CHCHD3: variants seen among roughly 807,000 people sequenced by gnomAD.
The protein encoded by CHCHD3 is MICOS complex subunit MIC19.
In CHCHD3, 20 loss-of-function variants were observed where a neutral mutation model predicts 38.2. The ratio of observed to expected loss-of-function variants is 0.52; its 90% CI spans 0.37 to 0.76. The LOEUF is 0.76. CHCHD3 is among the 30% of genes least tolerant of loss of function. The pLI, the probability that CHCHD3 is intolerant of heterozygous loss-of-function variation, is 0.00. For synonymous variants in CHCHD3, 82 were observed against 100.0 expected, an observed-to-expected ratio of 0.82 and a Z score of 1.07; for missense variants, 245 against 279.2, an observed-to-expected ratio of 0.88 and a Z score of 0.87.
intron 3 of CHCHD3, among the ~76,000 whole-genome samples, chr7:132,999,504 A>T (rs1051428620): frequency 6.6e-6 from 1 of 152,246 alleles, no homozygotes; most frequent in African/African-American, 2.4e-5. Context: ...TTATAATAAA[A>T]GGAAATGGCA....
chr7:132,803,132 A>T (rs1806831453), intron 6 of CHCHD3, among the ~76,000 whole-genome samples: 1 of 152,210 alleles, frequency 6.6e-6, no homozygotes, highest in Non-Finnish European at 1.5e-5. Context: ...GTGGGAACAG[A>T]ATAAAATCAC....
At chr7:132,988,692 T>C (rs1173707541) in intron 3 of CHCHD3, among the ~76,000 whole-genome samples, 1 of 151,858 alleles carries the variant, frequency 6.6e-6, no homozygotes, top group African/African-American at 2.4e-5. Flanking sequence ...GGTGGGAGGA[T>C]CACTTGAAGC....
At chr7:132,974,736 C>T (rs1356478489) in intron 4 of CHCHD3, among the ~76,000 whole-genome samples, 5 of 151,944 alleles carry the variant, frequency 3.3e-5, no homozygotes, top group African/African-American at 9.7e-5. Context: ...TAGCTGGGCA[C>T]GATGGCAGGT....
chr7:132,893,851 C>T (rs1809429447), intron 4 of CHCHD3, among the ~76,000 whole-genome samples: 1 of 152,152 alleles, frequency 6.6e-6, no homozygotes, highest in African/African-American at 2.4e-5. Context: ...TTGTAAGGTT[C>T]CTGAGGCCTC....
Position 132,994,225 on chromosome 7 carries a change from A to C in CHCHD3, c.252-18939T>G, listed in dbSNP as rs182527167. Among the ~76,000 whole-genome samples, 244 of 152,342 alleles carry C rather than the reference A, an allele frequency of 1.6e-3. 1 individual carries two copies. Among genetic ancestry groups the C allele is most frequent in the Non-Finnish European group, 2.9e-3 (194 of 68,044 alleles). ...TATATATGTAGGATGAAAACTGTGAACACCAAAACAATCAAATAAGAGAAA... is the reference window on the plus strand; with the variant it reads ...TATATATGTAGGATGAAAACTGTGACCACCAAAACAATCAAATAAGAGAAA... On this transcript the variant is annotated intron_variant, in intron 3 of 7. Coordinates refer to ENST00000262570, the MANE Select transcript of CHCHD3 (RefSeq NM_017812.4).
chr7:132,896,032 A>G (rs1239058916), intron 4 of CHCHD3, among the ~76,000 whole-genome samples: 3 of 152,242 alleles, frequency 2.0e-5, no homozygotes, highest in Non-Finnish European at 2.9e-5. Context: ...TTTGTTCAAT[A>G]AATGTCTGTA....
intron 4 of CHCHD3, among the ~76,000 whole-genome samples, chr7:132,892,961 G>A (rs957628680): frequency 6.6e-6 from 1 of 152,244 alleles, no homozygotes; most frequent in African/African-American, 2.4e-5. Flanking sequence ...CCTCTGCTAG[G>A]GCAGTGCAGA....
intron 2 of CHCHD3, among the ~76,000 whole-genome samples, chr7:133,029,791 G>A (rs1813450122): frequency 6.6e-6 from 1 of 152,138 alleles, no homozygotes; most frequent in Non-Finnish European, 1.5e-5. Context: ...GTGGGGTGAG[G>A]TGAGAAAGAG....
chr7:132,825,934 G>A (rs1385935020), intron 6 of CHCHD3, among the ~76,000 whole-genome samples: 1 of 152,192 alleles, frequency 6.6e-6, no homozygotes, highest in African/African-American at 2.4e-5. Context: ...CATAAAGCAG[G>A]CCAAGCAAGC....
intron 3 of CHCHD3, among the ~76,000 whole-genome samples, chr7:133,008,594 T>C (rs186950099): frequency 8.3e-4 from 126 of 152,262 alleles, no homozygotes; most frequent in African/African-American, 2.9e-3. Context: ...CATACATATA[T>C]AACATTAGCC....
chr7:133,073,979 A>G (rs1460393840), intron 1 of CHCHD3, among the ~76,000 whole-genome samples: 1 of 152,128 alleles, frequency 6.6e-6, no homozygotes. Context: ...TTCAAGACGC[A>G]GTCTAAACAT....
At chr7:132,913,997 G>C (rs1255225598) in intron 4 of CHCHD3, among the ~76,000 whole-genome samples, 1 of 134,612 alleles carries the variant, frequency 7.4e-6, no homozygotes, top group African/African-American at 2.8e-5. Context: ...TATTGCCCAG[G>C]CTTCCAGGCT....
At chr7:132,902,509 T>A (rs1268298831) in intron 4 of CHCHD3, among the ~76,000 whole-genome samples, 3 of 152,214 alleles carry the variant, frequency 2.0e-5, no homozygotes, top group African/African-American at 7.2e-5. Flanking sequence ...TGAGTTCATG[T>A]CCTTTGCTGG....
At chr7:132,987,921 TTAATAAA>T (rs1291530620) in intron 3 of CHCHD3, among the ~76,000 whole-genome samples, 2 of 152,210 alleles carry the variant, frequency 1.3e-5, no homozygotes, top group South Asian at 2.1e-4. Flanking sequence ...CTACTTACAC[TTAATAAA>T]TAATAAATAT....
At chr7:132,985,288 G>C (rs1812072853) in intron 3 of CHCHD3, among the ~76,000 whole-genome samples, 1 of 71,560 alleles carries the variant, frequency 1.4e-5, no homozygotes, top group Non-Finnish European at 2.9e-5. Flanking sequence ...GCCCCGTCCG[G>C]GAGGTGAGGG....
rs1157021356 is a variant in CHCHD3, at chr7:132,785,344, A to C, written c.*293T>G. On this transcript the variant is annotated 3_prime_UTR_variant, in exon 8 of 8. Coordinates refer to ENST00000262570, the MANE Select transcript of CHCHD3 (RefSeq NM_017812.4). The stretch of plus-strand genomic sequence containing the variant: ...AACATTTTATGGTCAGTGCAAGTTG[A>C]ATAGAAAGTACCAAAAGGTGGAGAG... 9.8e-6 allele frequency: 4 copies of C among 410,252 alleles called. No individual in the cohort carries two copies. Among genetic ancestry groups the C allele is most frequent in the African/African-American group, 8.1e-5 (4 of 49,134 alleles). The allele number at this position is 410,252 out of a possible 1,614,324, so 25.4% of individuals were successfully genotyped here.
chr7:132,936,060 C>T (rs1266800214), intron 4 of CHCHD3, among the ~76,000 whole-genome samples: 1 of 152,088 alleles, frequency 6.6e-6, no homozygotes, highest in East Asian at 1.9e-4. Context: ...CTCACAATGG[C>T]AATTAAATTT....
At position 132,960,110 on chromosome 7, in the gene CHCHD3, T is replaced by C. The variant is rs1811279801; in HGVS notation, c.369+15059A>G. Among the ~76,000 whole-genome samples, 4 of 152,172 alleles carry C rather than the reference T, an allele frequency of 2.6e-5. No homozygotes were observed. The South Asian group carries it at 8.3e-4, about 32-fold the overall frequency. On this transcript the variant is annotated intron_variant, in intron 4 of 7. Coordinates refer to ENST00000262570, the MANE Select transcript of CHCHD3 (RefSeq NM_017812.4). Reference sequence around the variant, plus strand: ...TTTCACTTCAACTAAAAGATTTCTGTCAGGGTGAACATATTTTAATCCACC... The same window carrying C: ...TTTCACTTCAACTAAAAGATTTCTGCCAGGGTGAACATATTTTAATCCACC...
At chr7:133,059,773 C>T (rs1315987672) in intron 2 of CHCHD3, among the ~76,000 whole-genome samples, 4 of 152,170 alleles carry the variant, frequency 2.6e-5, no homozygotes, top group Non-Finnish European at 5.9e-5. Context: ...TGGAACCAAC[C>T]TAAGAGAAAG....
Sources: gnomAD v4.1 joint callset for allele counts (sites outside exome capture counted in the v4.1 genomes callset) on GRCh38, gnomAD v4.1.1 for gene constraint, MANE v1.5 for transcripts, NCBI Gene and HGNC (gene_info 2026-07-23, HGNC 2026-07-21) for gene names.